Variants in ANKFY1 observed in about 807,000 individuals in gnomAD.
ANKFY1 encodes ankyrin repeat and FYVE domain-containing protein 1.
In ANKFY1, 47 loss-of-function variants were observed where a neutral mutation model predicts 128.3. The ratio of observed to expected loss-of-function variants is 0.37; its 90% CI spans 0.29 to 0.47. The LOEUF is 0.47. ANKFY1 is among the 20% of genes least tolerant of loss of function. ANKFY1 has a pLI of 1.00. For synonymous variants in ANKFY1, 553 were observed against 601.6 expected (o/e 0.92, Z 1.18); for missense variants, 1,222 against 1,510.6 (o/e 0.81, Z 3.17).
intron 19 of ANKFY1, among the ~76,000 whole-genome samples, chr17:4,176,028 G>A (rs1203274752): frequency 2.0e-5 from 3 of 152,144 alleles, no homozygotes; most frequent in Admixed American, 6.5e-5. Flanking sequence ...GATTCCCTAC[G>A]ACTTTGGGAC....
chr17:4,230,537 C>T (rs942355903), intron 3 of ANKFY1, among the ~76,000 whole-genome samples: 35 of 152,284 alleles, frequency 2.3e-4, no homozygotes, highest in African/African-American at 7.9e-4. Flanking sequence ...TAATACTTTC[C>T]TTGTGGACTC....
At chr17:4,194,956 C>A in intron 10 of ANKFY1, 22 bp downstream of exon 10, 1 of 1,614,116 alleles carries the variant, frequency 6.2e-7, no homozygotes, top group South Asian at 1.1e-5. Context: ...AGCGTCGCCC[C>A]TTCGGGAGGC....
intron 1 of ANKFY1, among the ~76,000 whole-genome samples, chr17:4,253,989 G>C (rs142988684): frequency 6.6e-6 from 1 of 152,240 alleles, no homozygotes; most frequent in African/African-American, 2.4e-5. Flanking sequence ...TATGCAGCAC[G>C]TAACTGTTCA....
intron 1 of ANKFY1, among the ~76,000 whole-genome samples, chr17:4,245,623 G>T (rs964712684): frequency 5.3e-5 from 8 of 151,940 alleles, no homozygotes; most frequent in African/African-American, 1.5e-4. Flanking sequence ...AGGACCAGAG[G>T]TGTCCATACT....
At chr17:4,200,818 TTC>T (rs533855212) in intron 7 of ANKFY1, among the ~76,000 whole-genome samples, 225 of 152,298 alleles carry the variant, frequency 1.5e-3, no homozygotes, top group Non-Finnish European at 2.0e-3. Flanking sequence ...GACGATGATT[TTC>T]TCTCTCTTCC....
chr17:4,208,111 G>A, intron 5 of ANKFY1, 29 bp from the exon 6 acceptor site: 1 of 1,572,172 alleles, frequency 6.4e-7, no homozygotes, highest in Non-Finnish European at 8.6e-7. Flanking sequence ...GTGAAAAGCA[G>A]AACAGACACA....
rs569927447 is a variant in ANKFY1 at position 4,207,158 on chromosome 17, G to A, written c.733-672C>T. On this transcript the variant is annotated intron_variant, in intron 6 of 24. Coordinates refer to ENST00000341657, the MANE Select transcript of ANKFY1 (RefSeq NM_001330063.2). ...CATCTAACCACAGAGGGCCCGACCCGTCTAACCACAGAGGGCCCGATCTAT... is the reference window on the plus strand; with the variant it reads ...CATCTAACCACAGAGGGCCCGACCCATCTAACCACAGAGGGCCCGATCTAT... Among the ~76,000 whole-genome samples the A allele has an allele frequency of 6.0e-5, 9 of 150,362 alleles. No individual in the cohort carries two copies. The South Asian group carries it at 1.9e-3, about 32-fold the overall frequency.
Position 4,164,001 on chromosome 17 carries a change from A to G in ANKFY1, c.*3778T>C, listed in dbSNP as rs1045760107. The G allele has an allele frequency of 3.3e-5, 5 of 152,696 alleles. No individual in the cohort carries two copies. The highest frequency in any genetic ancestry group is 7.3e-5 in the Non-Finnish European group (5 of 68,046). The allele number at this position is 152,696 out of a possible 1,614,324, so 9.5% of individuals were successfully genotyped here. A position where few individuals can be genotyped will look rare whatever the true frequency, so the allele number is the denominator to read the frequency against. ...ATTCCATTACACAGACTCCAAAGAA[A>G]CAATGCTGATAAGCGCCGTGGTCCT... On this transcript the variant is annotated 3_prime_UTR_variant, in exon 25 of 25. Coordinates refer to ENST00000341657, the MANE Select transcript of ANKFY1 (RefSeq NM_001330063.2).
intron 7 of ANKFY1, among the ~76,000 whole-genome samples, chr17:4,202,540 T>C (rs1392607138): frequency 6.8e-6 from 1 of 146,722 alleles, no homozygotes; most frequent in Non-Finnish European, 1.5e-5. Context: ...CTACTAAAAA[T>C]ACAAAAATTA....
In ANKFY1 at chr17:4,177,273, A is replaced by C; in HGVS notation, c.2628T>G (p.His876Gln). 6.3e-7 allele frequency: 1 copy of C among 1,596,220 alleles called. No homozygotes were observed. The highest frequency in any genetic ancestry group is 2.3e-5 in the East Asian group (1 of 44,132). The change falls in exon 19 of 25, where the codon CAT (histidine) becomes CAG (glutamine). Residue 876 changes from histidine to glutamine, a missense_variant. Transcript: ENST00000341657. ...QVDNKGRNFL[H>Q]VAVQNSDIES... is the part of the protein sequence containing the mutation. ...CAATATCAGAGTTCTGAACTGCCAC[A>C]TGAAGGAAATTCCGGCCCTTGTTAT...
At position 4,183,844 on chromosome 17, in the gene ANKFY1, T is replaced by A. The variant is rs1433734911; in HGVS notation, c.1766A>T (p.Asp589Val). The change falls in exon 13 of 25, where the codon GAC becomes GTC. Residue 589 changes from aspartate to valine, a missense_variant. Asp to Val is a radical substitution (Grantham distance 152, BLOSUM62 -3). Transcript: ENST00000341657. ...TAATGCCAGGCCCAGCACAGTCTGG[T>A]CTCGGGAATCTTTGAGGCTGAAGTC... is the stretch of plus-strand genomic sequence containing the variant. ...IPDFSLKDSRDQTVLGLALWT... is the reference protein window; with the variant it reads ...IPDFSLKDSRVQTVLGLALWT... 17 of 1,613,736 alleles carry A rather than the reference T, an allele frequency of 1.1e-5. No homozygotes were observed. Among genetic ancestry groups the A allele is most frequent in the African/African-American group, 2.7e-5 (2 of 74,920 alleles).
intron 4 of ANKFY1, among the ~76,000 whole-genome samples, chr17:4,214,426 AAGAC>A (rs1445921606): frequency 4.6e-5 from 7 of 152,204 alleles, no homozygotes; most frequent in Admixed American, 2.6e-4. Flanking sequence ...TGAAAATAGC[AAGAC>A]AGACAGACTT....
At chr17:4,203,760 A>G (rs2059973349) in intron 7 of ANKFY1, among the ~76,000 whole-genome samples, 1 of 147,174 alleles carries the variant, frequency 6.8e-6, no homozygotes, top group African/African-American at 2.5e-5. Context: ...GGTTGCAGTG[A>G]GCCGAGACCG....
intron 19 of ANKFY1, among the ~76,000 whole-genome samples, chr17:4,176,324 C>T (rs1407312721): frequency 2.6e-5 from 4 of 152,228 alleles, no homozygotes; most frequent in South Asian, 2.1e-4. Context: ...GCCAGTTCTG[C>T]GGCATGTGTC....
chr17:4,167,772 G>A lies in ANKFY1; in HGVS notation c.*7C>T. On this transcript the variant is annotated 3_prime_UTR_variant, in exon 25 of 25. Coordinates refer to ENST00000341657, the MANE Select transcript of ANKFY1 (RefSeq NM_001330063.2). This position sits in a 1 kb window ranked among gnomAD's most constrained non-coding sequence, Gnocchi z 4.1. Reference sequence around the variant, plus strand: ...AAGGACGTGGCCTGGACCCTCCGGGGGGCTCACTAAGAAACCCCACCCAGA... The same window carrying A: ...AAGGACGTGGCCTGGACCCTCCGGGAGGCTCACTAAGAAACCCCACCCAGA... 2 of 1,611,966 alleles carry A rather than the reference G, an allele frequency of 1.2e-6. No individual in the cohort carries two copies. Among genetic ancestry groups the A allele is most frequent in the Non-Finnish European group, 1.7e-6 (2 of 1,178,696 alleles).
intron 1 of ANKFY1, among the ~76,000 whole-genome samples, chr17:4,245,657 C>T (rs1462473414): frequency 6.6e-6 from 1 of 151,336 alleles, no homozygotes; most frequent in Non-Finnish European, 1.5e-5. Context: ...CAGGAGGATC[C>T]CCTTGAGCCT....
chr17:4,172,028 G>A (rs955536749), intron 22 of ANKFY1, among the ~76,000 whole-genome samples: 3 of 152,268 alleles, frequency 2.0e-5, no homozygotes, highest in Non-Finnish European at 2.9e-5. Flanking sequence ...GAAAACGAAC[G>A]CGAGAGTCAC....
Position 4,169,040 on chromosome 17 carries a change from G to T in ANKFY1, c.3377+158C>A. The T allele has an allele frequency of 1.6e-6, 1 of 633,660 alleles. No individual in the cohort carries two copies. 39.3% of individuals were successfully genotyped at this position (633,660 alleles called of 1,614,324 possible). ...TTCCCTACATCTCTGTTCCTCAGTA[G>T]GATCCTTGGGTGTGCTCATCTCATC... On this transcript the variant is annotated intron_variant, in intron 24 of 24. Coordinates refer to ENST00000341657, the MANE Select transcript of ANKFY1 (RefSeq NM_001330063.2). This position sits in a 1 kb window ranked among gnomAD's most constrained non-coding sequence, Gnocchi z 5.0.
chr17:4,183,971 C>T lies in ANKFY1; in HGVS notation c.1700-61G>A, dbSNP rs1598029018. The T allele has an allele frequency of 4.8e-6, 7 of 1,448,854 alleles. No individual in the cohort carries two copies. In the East Asian group the frequency reaches 1.6e-4, roughly 33 times the overall value. The allele number at this position is 1,448,854 out of a possible 1,614,324, so 89.7% of individuals were successfully genotyped here. ...CACCATCTGTGGATCACACTTAAAG[C>T]TTCAGTAGAGTAAGAACTCAAACTG... is the stretch of plus-strand genomic sequence containing the variant. On this transcript the variant is annotated intron_variant, in intron 12 of 24. Coordinates refer to ENST00000341657, the MANE Select transcript of ANKFY1 (RefSeq NM_001330063.2).
Sources: allele counts gnomAD v4.1 joint callset (sites outside exome capture counted in the v4.1 genomes callset), GRCh38; gene constraint gnomAD v4.1.1; non-coding constraint Gnocchi (gnomAD v3.1); transcripts MANE v1.5; gene names NCBI Gene and HGNC (gene_info 2026-07-23, HGNC 2026-07-21).